CD84: variants seen among roughly 807,000 people sequenced by gnomAD.
CD84 encodes SLAM family member 5.
Under a neutral mutation model 33.8 loss-of-function variants are expected in CD84, and 22 were observed. That is an observed-to-expected ratio of 0.65 (90% CI 0.46 to 0.93). The LOEUF is 0.93. CD84 is among the 40% of genes least tolerant of loss of function. CD84 has a pLI of 0.00. For missense variants in CD84, 400 were observed against 397.6 expected (o/e 1.01, Z -0.05); for synonymous variants, 154 against 145.2 (o/e 1.06, Z -0.44).
chr1:160,574,830 A>G (rs1316000712), intron 1 of CD84, among the ~76,000 whole-genome samples: 3 of 152,184 alleles, frequency 2.0e-5, no homozygotes, highest in Non-Finnish European at 4.4e-5. Context: ...TAAAAATATT[A>G]TGAGGGTTAA....
Position 160,541,246 on chromosome 1 carries a change from A to G in CD84, c.*7010T>C, listed in dbSNP as rs1366846083. On this transcript the variant is annotated 3_prime_UTR_variant, in exon 7 of 7. Coordinates refer to ENST00000368054, the MANE Select transcript of CD84 (RefSeq NM_003874.4). The stretch of plus-strand genomic sequence containing the variant: ...ATAAAAGGTGACTTGTAGAAGGGAT[A>G]ATATATCTTATTGCAAACATGACAC... 2 of 152,224 alleles carry G rather than the reference A, an allele frequency of 1.3e-5. No individual in the cohort carries two copies. The highest frequency in any genetic ancestry group is 3.9e-4 in the East Asian group (2 of 5,192). 9.4% of individuals were successfully genotyped at this position (152,224 alleles called of 1,614,324 possible).
rs902672149 is a variant in CD84 at position 160,554,238 on chromosome 1, G to T, written c.389-92C>A. 1.7e-5 allele frequency: 21 copies of T among 1,248,782 alleles called. No individual in the cohort carries two copies. The African/African-American group carries it at 3.1e-4, about 18-fold the overall frequency. The allele number at this position is 1,248,782 out of a possible 1,614,324, so 77.4% of individuals were successfully genotyped here. A position where few individuals can be genotyped will look rare whatever the true frequency, so the allele number is the denominator to read the frequency against. On this transcript the variant is annotated intron_variant, in intron 2 of 6. Coordinates refer to ENST00000368054, the MANE Select transcript of CD84 (RefSeq NM_003874.4). ...TTGTTAAATTCTCAGAAATTTGCAA[G>T]CCATCATTAAAAATTAAATTATAAA...
chr1:160,575,494 A>AACACACAG (rs1657943513), intron 1 of CD84, among the ~76,000 whole-genome samples: 1 of 146,706 alleles, frequency 6.8e-6, no homozygotes, highest in African/African-American at 2.5e-5. Flanking sequence ...GTTCCTTCAA[A>AACACACAG]ACACACACAC....
chr1:160,568,700 A>C lies in CD84; in HGVS notation c.47-2955T>G, dbSNP rs138051397. ...CAGTGGAGTGATCTTGGCTCACTGCAACCTCCACCTCCCGGGTTCAGGCAG... is the reference window on the plus strand; with the variant it reads ...CAGTGGAGTGATCTTGGCTCACTGCCACCTCCACCTCCCGGGTTCAGGCAG... On this transcript the variant is annotated intron_variant, in intron 1 of 6. Coordinates refer to ENST00000368054, the MANE Select transcript of CD84 (RefSeq NM_003874.4). Among the ~76,000 whole-genome samples, 461 of 152,200 alleles carry C rather than the reference A, an allele frequency of 3.0e-3. 4 individuals are homozygous for C. Among genetic ancestry groups the C allele is most frequent in the Middle Eastern group, 0.014 (4 of 294 alleles).
chr1:160,565,705 C>T lies in CD84; in HGVS notation c.87G>A (p.Val29=). 1 of 1,612,842 alleles carries T rather than the reference C, an allele frequency of 6.2e-7. No homozygotes were observed. The highest frequency in any genetic ancestry group is 8.5e-7 in the Non-Finnish European group (1 of 1,179,424). The part of the protein sequence containing the change: ...AAGKDSEIFT[V]NGILGESVTF... ...TGACTGACTCTCCCAGAATCCCATTCACTGTGAAGATTTCTGAGTCTTTTC... is the reference window on the plus strand; with the variant it reads ...TGACTGACTCTCCCAGAATCCCATTTACTGTGAAGATTTCTGAGTCTTTTC... The change falls in exon 2 of 7, where the codon GTG becomes GTA. Residue 29 remains valine (V), a synonymous_variant. Coordinates refer to ENST00000368054, the MANE Select transcript of CD84 (RefSeq NM_003874.4).
intron 5 of CD84, chr1:160,550,639 GCCCCT>G (rs1343065536): frequency 2.0e-6 from 2 of 985,188 alleles, no homozygotes; most frequent in Admixed American, 6.2e-5. Context: ...CTGTTGTGTG[GCCCCT>G]CTAGGGGGCG....
chr1:160,555,943 TG>T (rs1389791740), intron 2 of CD84, among the ~76,000 whole-genome samples: 17 of 152,336 alleles, frequency 1.1e-4, no homozygotes. Flanking sequence ...TTAGAATTAG[TG>T]AAGACTTGGA....
Position 160,542,839 on chromosome 1 carries a change from A to T in CD84, c.*5417T>A, listed in dbSNP as rs1655612123. 6.6e-6 allele frequency: 1 copy of T among 152,184 alleles called. No individual in the cohort carries two copies. Among genetic ancestry groups the T allele is most frequent in the African/African-American group, 2.4e-5 (1 of 41,444 alleles). 9.4% of individuals were successfully genotyped at this position (152,184 alleles called of 1,614,324 possible). A position where few individuals can be genotyped will look rare whatever the true frequency, so the allele number is the denominator to read the frequency against. ...TGGTCCTTTGTCGAAATGTATTAAC[A>T]CTTTCATATGTTTTGAAAAATTACT... On this transcript the variant is annotated 3_prime_UTR_variant, in exon 7 of 7. Transcript: ENST00000368054.
chr1:160,569,357 GT>G, intron 1 of CD84, among the ~76,000 whole-genome samples: 1 of 152,138 alleles, frequency 6.6e-6, no homozygotes, highest in Non-Finnish European at 1.5e-5. Context: ...CTAACATTAT[GT>G]TATCACTGGA....
intron 1 of CD84, among the ~76,000 whole-genome samples, chr1:160,572,858 G>T (rs1038000422): frequency 1.1e-4 from 17 of 152,154 alleles, no homozygotes; most frequent in African/African-American, 2.9e-4. Flanking sequence ...GTGACTCTTA[G>T]GTAGCTATGG....
rs1202472731 is a variant in CD84, at chr1:160,554,118, CTG to C, written c.415_416del (p.Gln139GlufsTer11). Reference protein sequence around the residue: ...YRRLGKPKITQSLMASVNSTC... With the variant: ...YRRLGKPKITXSLMASVNSTC... ...TGCTGTTCACAGATGCCATTAAACT[CTG>C]TGTAATTTTTGGTTTCCCAAGCCGA... On this transcript the variant is annotated frameshift_variant, in exon 3 of 7. Transcript: ENST00000368054. LOFTEE classifies it high-confidence loss of function. The C allele has an allele frequency of 8.7e-6, 14 of 1,613,336 alleles. No individual in the cohort carries two copies. Among genetic ancestry groups the C allele is most frequent in the Non-Finnish European group, 1.2e-5 (14 of 1,179,482 alleles).
chr1:160,577,068 G>A (rs1265382669), intron 1 of CD84, among the ~76,000 whole-genome samples: 1 of 152,182 alleles, frequency 6.6e-6, no homozygotes, highest in Admixed American at 6.5e-5. Flanking sequence ...CAGAGTCATG[G>A]TGTTTCCAAA....
At position 160,545,364 on chromosome 1, in the gene CD84, A is replaced by G. The variant is rs925645932; in HGVS notation, c.*2892T>C. 3.9e-5 allele frequency: 6 copies of G among 152,270 alleles called. No individual in the cohort carries two copies. The highest frequency in any genetic ancestry group is 1.4e-4 in the African/African-American group (6 of 41,474). The allele number at this position is 152,270 out of a possible 1,614,324, so 9.4% of individuals were successfully genotyped here. A position where few individuals can be genotyped will look rare whatever the true frequency, so the allele number is the denominator to read the frequency against. ...AAAGATGTTTGGGAATGAGTCTTCA[A>G]CGCATCCACAGAGTGAGGAGTGGTT... On this transcript the variant is annotated 3_prime_UTR_variant, in exon 7 of 7. Transcript: ENST00000368054.
chr1:160,570,674 A>C (rs904022588), intron 1 of CD84, among the ~76,000 whole-genome samples: 1 of 152,116 alleles, frequency 6.6e-6, no homozygotes, highest in African/African-American at 2.4e-5. Context: ...CAGCCTGGGT[A>C]ACATGGCAAA....
chr1:160,565,352 A>T, intron 2 of CD84, 52 bp downstream of exon 2: 8 of 1,423,116 alleles, frequency 5.6e-6, no homozygotes, highest in Non-Finnish European at 7.6e-6. Flanking sequence ...TTCAGATAGC[A>T]AACTTGCAAA....
chr1:160,578,605 A>T (rs114823986), intron 1 of CD84, among the ~76,000 whole-genome samples: 1 of 152,192 alleles, frequency 6.6e-6, no homozygotes, highest in Non-Finnish European at 1.5e-5. Context: ...AGTTCCAAAC[A>T]TAGTAAATTT....
Position 160,547,367 on chromosome 1 carries a change from A to G in CD84, c.*889T>C, listed in dbSNP as rs750769939. ...CTTTTGGAGAGTGGGAATACTGGGC[A>G]TGGCTGCTTCTTCTGCTGAGGCTGC... On this transcript the variant is annotated 3_prime_UTR_variant, in exon 7 of 7. Coordinates refer to ENST00000368054, the MANE Select transcript of CD84 (RefSeq NM_003874.4). 5.1e-6 allele frequency: 2 copies of G among 395,284 alleles called. No individual in the cohort carries two copies. The highest frequency in any genetic ancestry group is 4.1e-5 in the African/African-American group (2 of 48,568). 24.5% of individuals were successfully genotyped at this position (395,284 alleles called of 1,614,324 possible).
rs1452014532 is a variant in CD84 at position 160,546,449 on chromosome 1, AG to A, written c.*1806del. ...CTGATTAATTTTGATTCCTGATACC[AG>A]GGAAAGCTTTACAGAAGAGGTACCT... is the stretch of plus-strand genomic sequence containing the variant. On this transcript the variant is annotated 3_prime_UTR_variant, in exon 7 of 7. Coordinates refer to ENST00000368054, the MANE Select transcript of CD84 (RefSeq NM_003874.4). 1 of 152,250 alleles carries A rather than the reference AG, an allele frequency of 6.6e-6. No homozygotes were observed. The highest frequency in any genetic ancestry group is 1.5e-5 in the Non-Finnish European group (1 of 68,062). 9.4% of individuals were successfully genotyped at this position (152,250 alleles called of 1,614,324 possible).
intron 2 of CD84, among the ~76,000 whole-genome samples, chr1:160,556,934 A>G (rs901461318): frequency 6.6e-6 from 1 of 152,206 alleles, no homozygotes; most frequent in Non-Finnish European, 1.5e-5. Flanking sequence ...TATTTTCTAA[A>G]GGGTTGACAT....
Sources: allele counts gnomAD v4.1 joint callset (sites outside exome capture counted in the v4.1 genomes callset), GRCh38; gene constraint gnomAD v4.1.1; transcripts MANE v1.5; gene names NCBI Gene and HGNC (gene_info 2026-07-23, HGNC 2026-07-21).